Variants in CSMD1 observed in about 807,000 individuals in gnomAD.
CSMD1 encodes CUB and sushi domain-containing protein 1.
A neutral mutation model predicts 417.5 loss-of-function variants in CSMD1; 213 were observed. The ratio of observed to expected loss-of-function variants is 0.51; its 90% CI spans 0.46 to 0.57. The LOEUF is 0.57. Ranked by LOEUF, CSMD1 falls within the 20% of genes least tolerant of loss-of-function variation. The pLI, the probability that CSMD1 is intolerant of heterozygous loss-of-function variation, is 0.00. For synonymous variants in CSMD1, 2,862 were observed against 1,736.8 expected (o/e 1.65, Z -16.11); for missense variants, 6,923 against 4,529.7 (o/e 1.53, Z -15.17).
intron 3 of CSMD1, among the ~76,000 whole-genome samples, chr8:4,415,071 T>C (rs1796856457): frequency 6.6e-6 from 1 of 152,296 alleles, no homozygotes; most frequent in Non-Finnish European, 1.5e-5. Flanking sequence ...ATTCAGCTTT[T>C]TTTGCAAAGG....
intron 1 of CSMD1, among the ~76,000 whole-genome samples, chr8:4,946,257 T>C (rs1225664886): frequency 6.6e-5 from 10 of 152,216 alleles, no homozygotes; most frequent in Non-Finnish European, 1.0e-4. Context: ...ACTGATGCTT[T>C]TGGTCTTGTG....
chr8:3,820,136 C>T (rs1801644890), intron 5 of CSMD1, among the ~76,000 whole-genome samples: 1 of 152,148 alleles, frequency 6.6e-6, no homozygotes, highest in South Asian at 2.1e-4. Flanking sequence ...GATCTTGACC[C>T]TGGTCAGTTT....
At chr8:3,117,967 TATG>T (rs1198432051) in intron 42 of CSMD1, among the ~76,000 whole-genome samples, 1 of 152,156 alleles carries the variant, frequency 6.6e-6, no homozygotes, top group African/African-American at 2.4e-5. Flanking sequence ...GCAAAATCAA[TATG>T]AAATTATTAT....
chr8:3,679,423 C>A (rs1369397978), intron 7 of CSMD1, among the ~76,000 whole-genome samples: 1 of 152,042 alleles, frequency 6.6e-6, no homozygotes, highest in African/African-American at 2.4e-5. Flanking sequence ...CAACAAAGAT[C>A]AAAAGAGACA....
At position 4,265,892 on chromosome 8, in the gene CSMD1, C is replaced by T. The variant is rs1201199355; in HGVS notation, c.415+154061G>A. Reference sequence around the variant, plus strand: ...GTCCCCACAGATAAAGATTCCCACACAAATCCAAAATAAAATGTGAAGAAA... The same window carrying T: ...GTCCCCACAGATAAAGATTCCCACATAAATCCAAAATAAAATGTGAAGAAA... On this transcript the variant is annotated intron_variant, in intron 3 of 69. Coordinates refer to ENST00000635120, the MANE Select transcript of CSMD1 (RefSeq NM_033225.6). Among the ~76,000 whole-genome samples, 4 of 104,380 alleles carry T rather than the reference C, an allele frequency of 3.8e-5. 1 individual carries two copies. The highest frequency in any genetic ancestry group is 1.0e-4 in the Non-Finnish European group (4 of 38,908). The allele number at this position is 104,380 out of a possible 152,430, so 68.5% of individuals were successfully genotyped here. A position where few individuals can be genotyped will look rare whatever the true frequency, so the allele number is the denominator to read the frequency against.
chr8:3,205,634 C>T lies in CSMD1; in HGVS notation c.4868-14G>A. On this transcript the variant is annotated splice_polypyrimidine_tract_variant and intron_variant, in intron 30 of 69. Coordinates refer to ENST00000635120, the MANE Select transcript of CSMD1 (RefSeq NM_033225.6). ...CTCCACAGGGAGCTGAAAATAAAAT[C>T]AACCGAGAATTAGTCGCTGTGCAAT... 1.5e-6 allele frequency: 2 copies of T among 1,349,272 alleles called. No homozygotes were observed. Among genetic ancestry groups the T allele is most frequent in the African/African-American group, 2.9e-5 (2 of 69,510 alleles). The allele number at this position is 1,349,272 out of a possible 1,614,324, so 83.6% of individuals were successfully genotyped here. A position where few individuals can be genotyped will look rare whatever the true frequency, so the allele number is the denominator to read the frequency against.
intron 3 of CSMD1, among the ~76,000 whole-genome samples, chr8:4,082,354 C>T (rs1311231737): frequency 6.6e-6 from 1 of 151,858 alleles, no homozygotes; most frequent in African/African-American, 2.4e-5. Context: ...AATGACAGGC[C>T]CAGATGGTTT....
At chr8:3,419,319 A>T (rs1244036912) in intron 12 of CSMD1, among the ~76,000 whole-genome samples, 1 of 152,076 alleles carries the variant, frequency 6.6e-6, no homozygotes, top group African/African-American at 2.4e-5. Context: ...AATAAAACTA[A>T]CTCCACTGCC....
chr8:4,934,767 T>C (rs573155481), intron 1 of CSMD1, among the ~76,000 whole-genome samples: 17 of 152,276 alleles, frequency 1.1e-4, no homozygotes, highest in African/African-American at 2.2e-4. Flanking sequence ...CTACCTATAC[T>C]ATAGGTATCA....
chr8:4,613,397 A>G (rs1216092560), intron 2 of CSMD1, among the ~76,000 whole-genome samples: 1 of 152,136 alleles, frequency 6.6e-6, no homozygotes, highest in East Asian at 1.9e-4. Context: ...GAGAAATTAG[A>G]GCTTAGGCAA....
chr8:3,976,932 A>G (rs1183650821), intron 5 of CSMD1, among the ~76,000 whole-genome samples: 2 of 152,206 alleles, frequency 1.3e-5, no homozygotes, highest in Non-Finnish European at 2.9e-5. Flanking sequence ...CATAGTGTCT[A>G]GTACAGATTT....
intron 2 of CSMD1, among the ~76,000 whole-genome samples, chr8:4,636,709 A>C (rs188151271): frequency 1.1e-4 from 17 of 152,348 alleles, no homozygotes; most frequent in Non-Finnish European, 2.1e-4. Flanking sequence ...TAAAAAGTTA[A>C]ATTTTTAAGT....
At chr8:4,222,355 ATT>A (rs1563297100) in intron 3 of CSMD1, among the ~76,000 whole-genome samples, 17 of 106 alleles carry the variant, frequency 0.16, no homozygotes, top group Admixed American at 0.41. Context: ...CCTCAGTCTT[ATT>A]CTGTAAACAG....
chr8:4,599,126 G>A (rs1438977259), intron 2 of CSMD1, among the ~76,000 whole-genome samples: 1 of 152,112 alleles, frequency 6.6e-6, no homozygotes, highest in African/African-American at 2.4e-5. Flanking sequence ...GTGCCTTCCA[G>A]ACTAAGGTAT....
chr8:2,987,708 G>A (rs1018455828), intron 54 of CSMD1, among the ~76,000 whole-genome samples: 1 of 152,228 alleles, frequency 6.6e-6, no homozygotes, highest in Non-Finnish European at 1.5e-5. Flanking sequence ...GAGTGATGCG[G>A]GTTCATCACC....
rs573188854 is a variant in CSMD1 at position 3,592,864 on chromosome 8, G to C, written c.1098-6604C>G. On this transcript the variant is annotated intron_variant, in intron 8 of 69. Transcript: ENST00000635120. ...AAATAGGTGTAAAGGAGATGTGATG[G>C]TAGGTTCTCCCACTTCCTGCTTCTC... Among the ~76,000 whole-genome samples the C allele has an allele frequency of 3.9e-5, 6 of 152,146 alleles. No individual in the cohort carries two copies. The East Asian group carries it at 1.2e-3, about 29-fold the overall frequency.
At chr8:4,693,689 G>A (rs1016374574) in intron 1 of CSMD1, among the ~76,000 whole-genome samples, 2 of 152,032 alleles carry the variant, frequency 1.3e-5, no homozygotes, top group African/African-American at 4.8e-5. Context: ...TTTCAGAGAT[G>A]AGGTCTCCCT....
chr8:4,465,944 T>C (rs1355170159), intron 2 of CSMD1, among the ~76,000 whole-genome samples: 5 of 152,198 alleles, frequency 3.3e-5, no homozygotes, highest in African/African-American at 4.8e-5. Context: ...AGAGAAATTA[T>C]GTGCTTCCAA....
intron 3 of CSMD1, among the ~76,000 whole-genome samples, chr8:4,166,189 C>A (rs1164642592): frequency 2.6e-5 from 4 of 152,064 alleles, no homozygotes; most frequent in African/African-American, 9.7e-5. Context: ...AAAGCAAATG[C>A]AAAATAGTCA....
Sources: gnomAD v4.1 joint callset for allele counts (sites outside exome capture counted in the v4.1 genomes callset) on GRCh38, gnomAD v4.1.1 for gene constraint, MANE v1.5 for transcripts, NCBI Gene and HGNC (gene_info 2026-07-23, HGNC 2026-07-21) for gene names.